The following LSAMP variants were observed in gnomAD, a reference collection of about 807,000 sequenced individuals.
The protein encoded by LSAMP is limbic system associated membrane protein.
Under a neutral mutation model 38.6 loss-of-function variants are expected in LSAMP, and 7 were observed. That is an observed-to-expected ratio of 0.18 (90% CI 0.10 to 0.34). The LOEUF (loss-of-function observed/expected upper bound fraction) is 0.34, where lower values mean the gene tolerates loss of function less well. Among genes scored for constraint, LSAMP ranks in the 10% least tolerant of loss-of-function variants. The pLI, the probability that LSAMP is intolerant of heterozygous loss-of-function variation, is 1.00. For synonymous variants in LSAMP, 154 were observed against 166.8 expected, an observed-to-expected ratio of 0.92 and a Z score of 0.59; for missense variants, 313 against 420.0, an observed-to-expected ratio of 0.75 and a Z score of 2.23.
intron 1 of LSAMP, among the ~76,000 whole-genome samples, chr3:116,125,128 T>C (rs1708978261): frequency 6.6e-6 from 1 of 152,184 alleles, no homozygotes. Flanking sequence ...TACTTGAAAG[T>C]AGAGAATGGC....
intron 1 of LSAMP, among the ~76,000 whole-genome samples, chr3:116,138,467 T>C (rs4146782): frequency 0.18 from 27,361 of 152,078 alleles, 2,565 homozygotes; most frequent in Admixed American, 0.22. Context: ...TAAGCAATTT[T>C]CTAAAGATTG....
chr3:116,101,915 A>G (rs1708356442), intron 1 of LSAMP, among the ~76,000 whole-genome samples: 1 of 152,018 alleles, frequency 6.6e-6, no homozygotes, highest in Non-Finnish European at 1.5e-5. Flanking sequence ...TTTTTAATCC[A>G]TACTCAATGT....
intron 1 of LSAMP, among the ~76,000 whole-genome samples, chr3:116,098,603 TCA>T (rs1310085318): frequency 6.6e-6 from 1 of 152,216 alleles, no homozygotes; most frequent in East Asian, 1.9e-4. Flanking sequence ...TGCTTTTCCA[TCA>T]CACACTTTCC....
Position 116,019,495 on chromosome 3 carries a change from G to A in LSAMP, c.514+20C>T, listed in dbSNP as rs1231758458. ...ATTTTAAACAGCATGTGGCATATTGGAACCTGGAGTATTGCTTACCAGTTG... is the reference window on the plus strand; with the variant it reads ...ATTTTAAACAGCATGTGGCATATTGAAACCTGGAGTATTGCTTACCAGTTG... On this transcript the variant is annotated intron_variant, in intron 3 of 6. Transcript: ENST00000490035. The A allele has an allele frequency of 6.2e-7, 1 of 1,609,384 alleles. No homozygotes were observed. Among genetic ancestry groups the A allele is most frequent in the African/African-American group, 1.3e-5 (1 of 74,770 alleles).
At chr3:115,998,391 A>C in intron 3 of LSAMP, among the ~76,000 whole-genome samples, 1 of 152,150 alleles carries the variant, frequency 6.6e-6, no homozygotes, top group East Asian at 1.9e-4. Flanking sequence ...GGATTGCTGA[A>C]TAGTCTAGCA....
In LSAMP at chr3:115,805,405, G is replaced by C. The variant is rs769031470; in HGVS notation, c.*4912C>G. 3 of 151,610 alleles carry C rather than the reference G, an allele frequency of 2.0e-5. No individual in the cohort carries two copies. The highest frequency in any genetic ancestry group is 4.4e-5 in the Non-Finnish European group (3 of 67,904). 9.4% of individuals were successfully genotyped at this position (151,610 alleles called of 1,614,324 possible). On this transcript the variant is annotated 3_prime_UTR_variant, in exon 7 of 7. Coordinates refer to ENST00000490035, the MANE Select transcript of LSAMP (RefSeq NM_002338.5). ...TTTTATTTGATTTTTTTTTCCTTAA[G>C]AATCATAGTAAACCTTAGCAGTAGT...
chr3:116,048,326 C>T (rs933306789), intron 2 of LSAMP, among the ~76,000 whole-genome samples: 2 of 152,174 alleles, frequency 1.3e-5, no homozygotes, highest in Non-Finnish European at 2.9e-5. Context: ...ACAAAATGTC[C>T]TGTAATATCC....
At chr3:116,421,553 A>AG (rs1553734289) in intron 1 of LSAMP, among the ~76,000 whole-genome samples, 12 of 146,376 alleles carry the variant, frequency 8.2e-5, no homozygotes, top group African/African-American at 2.3e-4. Context: ...TAAAAAAAAA[A>AG]AAGAAGAAGA....
At chr3:115,967,439 C>T (rs1343331020) in intron 3 of LSAMP, among the ~76,000 whole-genome samples, 1 of 152,140 alleles carries the variant, frequency 6.6e-6, no homozygotes, top group Non-Finnish European at 1.5e-5. Context: ...TTCCAAACTT[C>T]CCTACATTTT....
chr3:116,004,056 C>A (rs1488348035), intron 3 of LSAMP, among the ~76,000 whole-genome samples: 1 of 152,152 alleles, frequency 6.6e-6, no homozygotes, highest in Non-Finnish European at 1.5e-5. Flanking sequence ...TTAATGACTG[C>A]AACTATGTCT....
At chr3:115,960,691 GCATATT>G (rs1428212384) in intron 3 of LSAMP, among the ~76,000 whole-genome samples, 1 of 152,052 alleles carries the variant, frequency 6.6e-6, no homozygotes, top group African/African-American at 2.4e-5. Flanking sequence ...GTGGAACCTG[GCATATT>G]CACCACCTAC....
chr3:116,137,759 T>C (rs1385690807), intron 1 of LSAMP, among the ~76,000 whole-genome samples: 2 of 152,150 alleles, frequency 1.3e-5, no homozygotes, highest in East Asian at 3.9e-4. Context: ...GAGACCATTG[T>C]GCTTTGTGTT....
Position 115,824,107 on chromosome 3 carries a change from T to C in LSAMP, c.920-13693A>G, listed in dbSNP as rs142482097. 1.2e-3 allele frequency among the ~76,000 whole-genome samples: 186 copies of C among 152,322 alleles called. 3 individuals are homozygous for C. The East Asian group carries it at 0.033, about 27-fold the overall frequency. ...TTAGCCTGAGAGGTTTAGTTTTTAA[T>C]AATCAATGAATTGAAATGTTCCAGA... is the stretch of plus-strand genomic sequence containing the variant. On this transcript the variant is annotated intron_variant, in intron 6 of 6. Coordinates refer to ENST00000490035, the MANE Select transcript of LSAMP (RefSeq NM_002338.5).
intron 2 of LSAMP, among the ~76,000 whole-genome samples, chr3:116,025,235 C>A (rs1478043569): frequency 1.3e-5 from 2 of 152,044 alleles, no homozygotes; most frequent in Non-Finnish European, 2.9e-5. Context: ...ATATATAATG[C>A]CATGAACCAT....
chr3:115,810,872 C>T (rs565976210), intron 6 of LSAMP, among the ~76,000 whole-genome samples: 1 of 152,252 alleles, frequency 6.6e-6, no homozygotes, highest in African/African-American at 2.4e-5. Context: ...AACCAATCCA[C>T]GACTCCCTCT....
intron 3 of LSAMP, among the ~76,000 whole-genome samples, chr3:115,975,534 A>T: frequency 6.6e-6 from 1 of 152,156 alleles, no homozygotes. Flanking sequence ...AAGGGCAGGC[A>T]GCTGGTTATT....
chr3:116,064,250 G>T (rs1050555912), intron 2 of LSAMP, among the ~76,000 whole-genome samples: 2 of 152,120 alleles, frequency 1.3e-5, no homozygotes, highest in African/African-American at 4.8e-5. Flanking sequence ...CTGAGGCCAG[G>T]CATGGTGGCT....
At chr3:115,969,117 C>T (rs974024090) in intron 3 of LSAMP, among the ~76,000 whole-genome samples, 6 of 152,154 alleles carry the variant, frequency 3.9e-5, no homozygotes, top group African/African-American at 1.4e-4. Flanking sequence ...GTGCCTCTTT[C>T]AGTGATATGA....
chr3:116,250,804 G>C (rs1301259142), intron 1 of LSAMP, among the ~76,000 whole-genome samples: 2 of 152,186 alleles, frequency 1.3e-5, no homozygotes, highest in Non-Finnish European at 2.9e-5. Context: ...GGGAGGTGGA[G>C]GCTGCAGTAA....
Sources: allele counts gnomAD v4.1 joint callset (sites outside exome capture counted in the v4.1 genomes callset), GRCh38; gene constraint gnomAD v4.1.1; transcripts MANE v1.5; gene names NCBI Gene and HGNC (gene_info 2026-07-23, HGNC 2026-07-21).